Variants in GPR158 observed in about 807,000 individuals in gnomAD.
GPR158 encodes the protein metabotropic glycine receptor.
In GPR158, 30 loss-of-function variants were observed where a neutral mutation model predicts 78.2. That is an observed-to-expected ratio of 0.38 (90% CI 0.29 to 0.52). GPR158 has a LOEUF of 0.52. GPR158 is among the 20% of genes least tolerant of loss of function. The pLI is 0.83. For missense variants in GPR158, 1,463 were observed against 1,523.5 expected, an observed-to-expected ratio of 0.96 and a Z score of 0.66; for synonymous variants, 581 against 591.1, an observed-to-expected ratio of 0.98 and a Z score of 0.25.
rs530645572 is a variant in GPR158, at chr10:25,472,210, T to C, written c.1404+5491T>C. 6.7e-4 allele frequency among the ~76,000 whole-genome samples: 102 copies of C among 152,180 alleles called. 1 individual carries two copies. The highest frequency in any genetic ancestry group is 6.8e-3 in the Middle Eastern group (2 of 294). ...AGCCAGTTTTCCCAGCACCATTTATTAAATAGGGAATCCTTTCCCCATTTC... is the reference window on the plus strand; with the variant it reads ...AGCCAGTTTTCCCAGCACCATTTATCAAATAGGGAATCCTTTCCCCATTTC... On this transcript the variant is annotated intron_variant, in intron 5 of 10. Coordinates refer to ENST00000376351, the MANE Select transcript of GPR158 (RefSeq NM_020752.3).
chr10:25,327,923 T>C (rs1855060228), intron 2 of GPR158, among the ~76,000 whole-genome samples: 1 of 152,248 alleles, frequency 6.6e-6, no homozygotes, highest in African/African-American at 2.4e-5. Flanking sequence ...AGAAAATCTA[T>C]TTGTAGACAT....
chr10:25,555,534 G>A lies in GPR158; in HGVS notation c.1514+4449G>A, dbSNP rs549690443. 2.0e-4 allele frequency among the ~76,000 whole-genome samples: 30 copies of A among 152,284 alleles called. No individual in the cohort carries two copies. In the South Asian group the frequency reaches 5.6e-3, roughly 28 times the overall value. On this transcript the variant is annotated intron_variant, in intron 6 of 10. Coordinates refer to ENST00000376351, the MANE Select transcript of GPR158 (RefSeq NM_020752.3). ...TGGGTTCACAGAACCCCCCTGCTAA[G>A]CAATTTTCTTTTACAGAAACTTGAG...
intron 2 of GPR158, among the ~76,000 whole-genome samples, chr10:25,385,117 T>G (rs1834205659): frequency 6.6e-6 from 1 of 152,156 alleles, no homozygotes; most frequent in African/African-American, 2.4e-5. Context: ...GAACAACTCC[T>G]CATATTCCCT....
intron 7 of GPR158, among the ~76,000 whole-genome samples, chr10:25,582,388 G>A (rs1045859028): frequency 1.3e-5 from 2 of 152,118 alleles, no homozygotes; most frequent in Non-Finnish European, 2.9e-5. Context: ...AAACTTAAAT[G>A]TATATGCCAG....
intron 5 of GPR158, among the ~76,000 whole-genome samples, chr10:25,539,205 T>G (rs537243009): frequency 6.6e-6 from 1 of 152,308 alleles, no homozygotes; most frequent in East Asian, 1.9e-4. Flanking sequence ...GCTCCAAGAC[T>G]GGCTTATGTG....
chr10:25,307,583 C>T (rs2130457446), intron 2 of GPR158, among the ~76,000 whole-genome samples: 1 of 152,056 alleles, frequency 6.6e-6, no homozygotes, highest in Admixed American at 6.6e-5. Flanking sequence ...CTGTGTTGCC[C>T]AGGCTTGTCT....
At chr10:25,529,783 G>C (rs576833125) in intron 5 of GPR158, among the ~76,000 whole-genome samples, 2 of 152,238 alleles carry the variant, frequency 1.3e-5, no homozygotes, top group South Asian at 4.2e-4. Flanking sequence ...TGGCCACTGG[G>C]ACCATGGCCT....
intron 1 of GPR158, among the ~76,000 whole-genome samples, chr10:25,199,830 T>C (rs1852897466): frequency 6.6e-6 from 1 of 152,156 alleles, no homozygotes; most frequent in African/African-American, 2.4e-5. Flanking sequence ...TGGGTATTTC[T>C]TTATAACAGT....
At chr10:25,545,810 A>G (rs1270871694) in intron 5 of GPR158, among the ~76,000 whole-genome samples, 3 of 152,024 alleles carry the variant, frequency 2.0e-5, no homozygotes, top group Non-Finnish European at 4.4e-5. Flanking sequence ...TCCCTTCCAC[A>G]TCATGTACTG....
chr10:25,344,108 A>T (rs1010416761), intron 2 of GPR158, among the ~76,000 whole-genome samples: 1 of 151,992 alleles, frequency 6.6e-6, no homozygotes, highest in African/African-American at 2.4e-5. Context: ...ACTGCTTTAA[A>T]GGTTCAACCA....
At chr10:25,207,028 T>C (rs1190634071) in intron 1 of GPR158, among the ~76,000 whole-genome samples, 1 of 151,950 alleles carries the variant, frequency 6.6e-6, no homozygotes, top group East Asian at 1.9e-4. Flanking sequence ...AATGGATACT[T>C]GCACATGAAT....
chr10:25,531,072 G>A (rs1836416659), intron 5 of GPR158, among the ~76,000 whole-genome samples: 1 of 152,146 alleles, frequency 6.6e-6, no homozygotes, highest in Non-Finnish European at 1.5e-5. Context: ...AATGCTAATG[G>A]TAGGTATTTT....
At chr10:25,317,620 A>G in intron 2 of GPR158, among the ~76,000 whole-genome samples, 1 of 151,936 alleles carries the variant, frequency 6.6e-6, no homozygotes, top group African/African-American at 2.4e-5. Context: ...TATTTAATTC[A>G]GTTGGATTAT....
intron 7 of GPR158, among the ~76,000 whole-genome samples, chr10:25,578,633 T>C (rs969761793): frequency 3.3e-5 from 5 of 152,230 alleles, no homozygotes; most frequent in African/African-American, 9.6e-5. Context: ...TTACATAGTG[T>C]AATTACAAAT....
At chr10:25,363,367 T>TA (rs1855670863) in intron 2 of GPR158, among the ~76,000 whole-genome samples, 1 of 151,962 alleles carries the variant, frequency 6.6e-6, no homozygotes, top group Admixed American at 6.6e-5. Flanking sequence ...TTCATATGAC[T>TA]AAGCATTCTG....
At chr10:25,557,583 G>A (rs1447426182) in intron 6 of GPR158, among the ~76,000 whole-genome samples, 2 of 152,052 alleles carry the variant, frequency 1.3e-5, no homozygotes, top group African/African-American at 4.8e-5. Flanking sequence ...GGCATGCAGA[G>A]GCCCCCAGCT....
chr10:25,572,555 T>C lies in GPR158; in HGVS notation c.1515-94T>C, dbSNP rs546442649. 6.0e-6 allele frequency: 5 copies of C among 826,906 alleles called. No individual in the cohort carries two copies. The African/African-American group carries it at 8.5e-5, about 14-fold the overall frequency. The allele number at this position is 826,906 out of a possible 1,614,324, so 51.2% of individuals were successfully genotyped here. ...CAAACTCTGATTAGCTGGATTTTGG[T>C]GGGTTTACATTTTACCTAGAAAAAT... On this transcript the variant is annotated intron_variant, in intron 6 of 10. Coordinates refer to ENST00000376351, the MANE Select transcript of GPR158 (RefSeq NM_020752.3).
intron 5 of GPR158, among the ~76,000 whole-genome samples, chr10:25,509,747 C>T (rs1264294723): frequency 2.0e-5 from 3 of 152,236 alleles, no homozygotes; most frequent in Non-Finnish European, 4.4e-5. Flanking sequence ...CGCAGAATCT[C>T]GCTCTGTCAC....
chr10:25,310,038 T>TA (rs1214183185), intron 2 of GPR158, among the ~76,000 whole-genome samples: 1 of 152,222 alleles, frequency 6.6e-6, no homozygotes, highest in African/African-American at 2.4e-5. Context: ...TTTTCACACT[T>TA]ACGTTTAAGT....
Sources: allele counts gnomAD v4.1 joint callset (sites outside exome capture counted in the v4.1 genomes callset), GRCh38; gene constraint gnomAD v4.1.1; transcripts MANE v1.5; gene names NCBI Gene and HGNC (gene_info 2026-07-23, HGNC 2026-07-21).